Variants in MIER2 observed in about 807,000 individuals in gnomAD.
MIER2 encodes MIER family member 2.
Under a neutral mutation model 67.6 loss-of-function variants are expected in MIER2, and 30 were observed. The observed-to-expected ratio is 0.44, with a 90% confidence interval of 0.33 to 0.60. The LOEUF is 0.60. Ranked by LOEUF, MIER2 falls within the 20% of genes least tolerant of loss-of-function variation. The pLI is 0.02. For synonymous variants in MIER2, 372 were observed against 312.6 expected (o/e 1.19, Z -2.00); for missense variants, 702 against 745.1 (o/e 0.94, Z 0.67).
rs1162264609 is a variant in MIER2, at chr19:313,564, C to T, written c.735G>A (p.Ala245=). Residue 245 remains alanine (A), a synonymous_variant, in exon 8 of 14, where the codon GCG becomes GCA. Transcript: ENST00000264819. The part of the protein sequence containing the change: ...EREVEEFLYR[A]VKRRWHEMAG... ...CCATCTCGTGCCAACGCCGCTTCAC[C>T]GCCCTGTACAGGAACTCCTCCACCT... The T allele has an allele frequency of 6.8e-6, 11 of 1,613,272 alleles. No individual in the cohort carries two copies. The highest frequency in any genetic ancestry group is 2.7e-5 in the African/African-American group (2 of 74,922).
intron 3 of MIER2, among the ~76,000 whole-genome samples, chr19:330,641 G>A (rs985330097): frequency 1.1e-4 from 16 of 151,968 alleles, no homozygotes; most frequent in Non-Finnish European, 8.8e-5. Context: ...GACTATATTT[G>A]GAGACGGGGC....
intron 7 of MIER2, among the ~76,000 whole-genome samples, chr19:322,938 C>T (rs549709482): frequency 2.0e-3 from 305 of 151,930 alleles, no homozygotes; most frequent in African/African-American, 6.9e-3. Flanking sequence ...CACACAACCA[C>T]GGCATCCAAA....
intron 7 of MIER2, among the ~76,000 whole-genome samples, chr19:320,244 A>T (rs1259864245): frequency 6.6e-6 from 1 of 151,860 alleles, no homozygotes; most frequent in Non-Finnish European, 1.5e-5. Flanking sequence ...GCCGGCGTGC[A>T]GTGGCGCACA....
intron 8 of MIER2, 96 bp from the exon 9 acceptor site, chr19:312,368 C>T: frequency 9.2e-6 from 11 of 1,194,000 alleles, no homozygotes; most frequent in Non-Finnish European, 1.3e-5. Flanking sequence ...CAGGGGCCGT[C>T]CACACCACCC....
intron 7 of MIER2, among the ~76,000 whole-genome samples, chr19:314,141 G>A (rs974879919): frequency 1.2e-4 from 18 of 152,202 alleles, no homozygotes; most frequent in African/African-American, 4.1e-4. Context: ...ACTTGGGCCC[G>A]TGGACAAGCG....
chr19:306,790 G>A, intron 13 of MIER2, 79 bp from the exon 14 acceptor site: 11 of 1,546,210 alleles, frequency 7.1e-6, no homozygotes, highest in Middle Eastern at 1.7e-4. Flanking sequence ...GCTGAGCGCT[G>A]GACTCGAGAC....
rs574289767 is a variant in MIER2, at chr19:331,748, C to A, written c.243+2652G>T. Among the ~76,000 whole-genome samples the A allele has an allele frequency of 7.0e-4, 106 of 151,988 alleles. 2 individuals are homozygous for A. The South Asian group carries it at 0.022, about 31-fold the overall frequency. ...CCTGTAATCCAGCACTTTGGGAGGC[C>A]GAGGTGGGCAGATCACAAGGTCAAG... is the stretch of plus-strand genomic sequence containing the variant. On this transcript the variant is annotated intron_variant, in intron 3 of 13. Coordinates refer to ENST00000264819, the MANE Select transcript of MIER2 (RefSeq NM_017550.3).
At chr19:344,288 G>A (rs1339788244) in intron 1 of MIER2, 1 of 984,958 alleles carries the variant, frequency 1.0e-6, no homozygotes, top group African/African-American at 1.7e-5. Context: ...CTCGCGGGCG[G>A]CGGAGGCGCG....
At chr19:331,682 T>C (rs574719914) in intron 3 of MIER2, among the ~76,000 whole-genome samples, 1 of 150,314 alleles carries the variant, frequency 6.7e-6, no homozygotes, top group Admixed American at 6.6e-5. Context: ...AATAAATAAA[T>C]GTTTTAAAGA....
In MIER2 at chr19:308,453, G is replaced by A. The variant is rs1217976207; in HGVS notation, c.1198+124C>T. 8.9e-6 allele frequency: 9 copies of A among 1,014,516 alleles called. No individual in the cohort carries two copies. Among genetic ancestry groups the A allele is most frequent in the African/African-American group, 1.6e-5 (1 of 61,880 alleles). The allele number at this position is 1,014,516 out of a possible 1,614,324, so 62.8% of individuals were successfully genotyped here. ...CGTGGCTGCCCTCCGCCACCCAGAC[G>A]CCCACTCCTCCTGGCGAGGCTGGCC... On this transcript the variant is annotated intron_variant, in intron 12 of 13. Transcript: ENST00000264819. The surrounding 1 kb of genome is among the most constrained non-coding windows in gnomAD (Gnocchi z 9.1).
intron 2 of MIER2, 93 bp downstream of exon 2, chr19:335,990 G>A (rs1568236928): frequency 7.9e-7 from 1 of 1,267,574 alleles, no homozygotes; most frequent in East Asian, 2.4e-5. Flanking sequence ...CAGTGTGCCG[G>A]TCCACAGCTC....
At position 308,808 on chromosome 19, in the gene MIER2, C is replaced by T. The variant is rs1970788791; in HGVS notation, c.1102G>A (p.Gly368Arg). Reference protein sequence around the residue: ...RLGRRKYVPSGTTDADQDLDG... With the variant: ...RLGRRKYVPSRTTDADQDLDG... ...GGGGAGGGCTGCACGCACGTGGTTCCGGACGGGACGTACTTCCTCCGGCCC... is the reference window on the plus strand; with the variant it reads ...GGGGAGGGCTGCACGCACGTGGTTCTGGACGGGACGTACTTCCTCCGGCCC... The change falls in exon 11 of 14, where the codon GGA becomes AGA. Residue 368 changes from glycine (G) to arginine (R), a missense_variant. Coordinates refer to ENST00000264819, the MANE Select transcript of MIER2 (RefSeq NM_017550.3). The surrounding 1 kb of genome is among the most constrained non-coding windows in gnomAD (Gnocchi z 9.1). 5 of 1,604,526 alleles carry T rather than the reference C, an allele frequency of 3.1e-6. No homozygotes were observed. The highest frequency in any genetic ancestry group is 1.3e-5 in the African/African-American group (1 of 74,824).
At chr19:325,561 A>G in intron 7 of MIER2, 74 bp downstream of exon 7, 2 of 1,560,004 alleles carry the variant, frequency 1.3e-6, no homozygotes, top group Non-Finnish European at 1.8e-6. Context: ...CAGACTGTCC[A>G]AGGATCTGAC....
chr19:307,484 G>A lies in MIER2; in HGVS notation c.1251C>T (p.Ala417=). 6.5e-7 allele frequency: 1 copy of A among 1,531,382 alleles called. No homozygotes were observed. Among genetic ancestry groups the A allele is most frequent in the Non-Finnish European group, 8.7e-7 (1 of 1,143,780 alleles). 94.9% of individuals were successfully genotyped at this position (1,531,382 alleles called of 1,614,324 possible). Residue 417 remains alanine (A), a synonymous_variant, in exon 13 of 14, where the codon GCC becomes GCT. Transcript: ENST00000264819. ...GCTCCGAGGACGGGAGTCCATCAGA[G>A]GCCACTCCGGGCTCATCGAGACCAC... ...TAGGLDEPGV[A]SDGLPSSEPG...
At position 313,473 on chromosome 19, in the gene MIER2, C is replaced by G; in HGVS notation, c.807+19G>C. 3.1e-6 allele frequency: 5 copies of G among 1,606,852 alleles called. No homozygotes were observed. The highest frequency in any genetic ancestry group is 4.2e-6 in the Non-Finnish European group (5 of 1,178,876). ...ACGGCAGCCCTCAGCCCCTCTGTCC[C>G]CGGCATGGCAGCCCCCACCTGCTCA... On this transcript the variant is annotated intron_variant, in intron 8 of 13. Coordinates refer to ENST00000264819, the MANE Select transcript of MIER2 (RefSeq NM_017550.3).
chr19:336,206 C>T (rs372958999), intron 1 of MIER2, 33 bp from the exon 2 acceptor site: 17 of 1,576,108 alleles, frequency 1.1e-5, no homozygotes, highest in East Asian at 2.3e-5. Flanking sequence ...TTAGCTCGGC[C>T]GGCCCAAAAC....
chr19:310,800 C>T (rs1057412753), intron 10 of MIER2, among the ~76,000 whole-genome samples: 1 of 150,418 alleles, frequency 6.6e-6, no homozygotes, highest in African/African-American at 2.5e-5. Flanking sequence ...TCCAGAAACA[C>T]AGCCTGGAGC....
At chr19:338,623 A>G (rs930547508) in intron 1 of MIER2, among the ~76,000 whole-genome samples, 1 of 152,222 alleles carries the variant, frequency 6.6e-6, no homozygotes, top group African/African-American at 2.4e-5. Flanking sequence ...CAGCCCAAAC[A>G]ATCTTGAAAC....
chr19:306,815 C>A, intron 13 of MIER2, 104 bp from the exon 14 acceptor site: 1 of 1,523,142 alleles, frequency 6.6e-7, no homozygotes, highest in Non-Finnish European at 8.9e-7. Flanking sequence ...AGCCTTGCCT[C>A]CCCCACAGCC....
Sources: allele counts gnomAD v4.1 joint callset (sites outside exome capture counted in the v4.1 genomes callset), GRCh38; gene constraint gnomAD v4.1.1; non-coding constraint Gnocchi (gnomAD v3.1); transcripts MANE v1.5; gene names NCBI Gene and HGNC (gene_info 2026-07-23, HGNC 2026-07-21).